Variants in PLCL2 observed in about 807,000 individuals in gnomAD.
PLCL2 encodes the protein phospholipase C like 2.
A neutral mutation model predicts 79.6 loss-of-function variants in PLCL2; 4 were observed. That is an observed-to-expected ratio of 0.05 (90% CI 0.02 to 0.11). The LOEUF (loss-of-function observed/expected upper bound fraction) is 0.11, where lower values mean the gene tolerates loss of function less well. PLCL2 is among the 10% of genes least tolerant of loss of function. PLCL2 has a pLI of 1.00. For synonymous variants in PLCL2, 484 were observed against 457.7 expected, an observed-to-expected ratio of 1.06 and a Z score of -0.73; for missense variants, 895 against 1,291.0, an observed-to-expected ratio of 0.69 and a Z score of 4.70.
In PLCL2 at chr3:16,884,993, CG is replaced by C; in HGVS notation, c.-43del. ...GCGGCCCGAGGCGGCGGCGGGGACG[CG>C]GGGACGCGAGGACGCGGCTTTGTGC... On this transcript the variant is annotated 5_prime_UTR_variant, in exon 1 of 6. Coordinates refer to ENST00000615277, the MANE Select transcript of PLCL2 (RefSeq NM_001144382.2). This position sits in a 1 kb window ranked among gnomAD's most constrained non-coding sequence, Gnocchi z 9.3. 1 of 211,248 alleles carries C rather than the reference CG, an allele frequency of 4.7e-6. No homozygotes were observed. The allele number at this position is 211,248 out of a possible 1,614,324, so 13.1% of individuals were successfully genotyped here.
chr3:17,027,251 T>C (rs2064527140), intron 3 of PLCL2, among the ~76,000 whole-genome samples: 1 of 152,226 alleles, frequency 6.6e-6, no homozygotes. Context: ...GAAACACATG[T>C]TTCTGTATAG....
chr3:17,017,001 T>A lies in PLCL2; in HGVS notation c.3018+2090T>A, dbSNP rs148221861. 5.0e-3 allele frequency among the ~76,000 whole-genome samples: 769 copies of A among 152,284 alleles called. 5 individuals are homozygous for A. Among genetic ancestry groups the A allele is most frequent in the African/African-American group, 0.017 (715 of 41,558 alleles). On this transcript the variant is annotated intron_variant, in intron 3 of 5. Coordinates refer to ENST00000615277, the MANE Select transcript of PLCL2 (RefSeq NM_001144382.2). The stretch of plus-strand genomic sequence containing the variant: ...GGGCAGGCCAAGTTCAGGGGCTGAT[T>A]TCTGCTCTATCAAGAGTGTGTGATC...
At chr3:17,081,061 A>C (rs946596316) in intron 5 of PLCL2, 6 of 419,142 alleles carry the variant, frequency 1.4e-5, no homozygotes, top group Non-Finnish European at 2.9e-5. Flanking sequence ...AATCTCTCTA[A>C]ACTCAGTGTC....
intron 3 of PLCL2, among the ~76,000 whole-genome samples, chr3:17,031,736 A>G (rs1052840017): frequency 2.0e-5 from 3 of 152,182 alleles, no homozygotes; most frequent in Admixed American, 1.3e-4. Flanking sequence ...TAAGGTTGAT[A>G]ATAAACTAGA....
intron 1 of PLCL2, among the ~76,000 whole-genome samples, chr3:16,989,702 G>A (rs2064084516): frequency 6.6e-6 from 1 of 152,106 alleles, no homozygotes; most frequent in African/African-American, 2.4e-5. Context: ...CTGTCACTAA[G>A]GGAAAGTATT....
At chr3:17,072,141 A>G (rs921796486) in intron 5 of PLCL2, among the ~76,000 whole-genome samples, 4 of 152,152 alleles carry the variant, frequency 2.6e-5, no homozygotes, top group Non-Finnish European at 5.9e-5. Context: ...GAATTCTAAT[A>G]TAATTGTTCT....
At chr3:16,942,873 A>G (rs2063564492) in intron 1 of PLCL2, among the ~76,000 whole-genome samples, 3 of 152,224 alleles carry the variant, frequency 2.0e-5, no homozygotes, top group Non-Finnish European at 4.4e-5. Flanking sequence ...AGTGTCATAG[A>G]CCACGTATCT....
chr3:17,014,125 G>T (rs147313372), intron 2 of PLCL2, among the ~76,000 whole-genome samples: 44 of 152,266 alleles, frequency 2.9e-4, no homozygotes, highest in African/African-American at 1.0e-3. Flanking sequence ...AGAGGCATTG[G>T]GATCAGCAGT....
chr3:17,067,579 G>A (rs761229523), intron 4 of PLCL2, among the ~76,000 whole-genome samples: 4 of 152,122 alleles, frequency 2.6e-5, no homozygotes, highest in East Asian at 1.9e-4. Flanking sequence ...TGTCCTCAGT[G>A]GAGCTTAAAT....
intron 5 of PLCL2, among the ~76,000 whole-genome samples, chr3:17,082,139 GTTTTTTTTT>G: frequency 9.9e-6 from 1 of 101,340 alleles, no homozygotes. Context: ...CTCTTTCAGA[GTTTTTTTTT>G]TTTTTTTTTT....
At chr3:16,995,314 C>T (rs1445514411) in intron 1 of PLCL2, among the ~76,000 whole-genome samples, 1 of 152,186 alleles carries the variant, frequency 6.6e-6, no homozygotes. Context: ...GTTTGTTGAC[C>T]TTTTAAAACA....
intron 1 of PLCL2, among the ~76,000 whole-genome samples, chr3:16,955,108 A>G (rs1300940855): frequency 6.6e-6 from 1 of 152,268 alleles, no homozygotes; most frequent in African/African-American, 2.4e-5. Context: ...GCACATGACT[A>G]CGTCCTGAAT....
At chr3:17,087,106 A>T (rs1399556264) in intron 5 of PLCL2, among the ~76,000 whole-genome samples, 1 of 152,242 alleles carries the variant, frequency 6.6e-6, no homozygotes, top group African/African-American at 2.4e-5. Flanking sequence ...TGTAGTTCTT[A>T]CAGAACTAAA....
intron 1 of PLCL2, among the ~76,000 whole-genome samples, chr3:16,996,839 A>G (rs1208792496): frequency 6.6e-6 from 1 of 152,226 alleles, no homozygotes; most frequent in Non-Finnish European, 1.5e-5. Flanking sequence ...TTAAATAAAT[A>G]TTATAGATAA....
intron 3 of PLCL2, among the ~76,000 whole-genome samples, chr3:17,029,699 T>A (rs1485602155): frequency 6.6e-6 from 1 of 151,858 alleles, no homozygotes; most frequent in Admixed American, 6.6e-5. Flanking sequence ...AGAGCCACTT[T>A]CCCCCAACTG....
intron 3 of PLCL2, among the ~76,000 whole-genome samples, chr3:17,039,548 C>T (rs2064697573): frequency 6.6e-6 from 1 of 152,138 alleles, no homozygotes; most frequent in South Asian, 2.1e-4. Context: ...ATATGTACCC[C>T]AAAATGATAA....
intron 1 of PLCL2, among the ~76,000 whole-genome samples, chr3:16,925,284 C>G (rs561017919): frequency 2.0e-5 from 3 of 151,652 alleles, no homozygotes; most frequent in African/African-American, 7.3e-5. Context: ...AGCATGTACA[C>G]TTAGAATTCC....
At chr3:16,977,322 C>T (rs760730545) in intron 1 of PLCL2, among the ~76,000 whole-genome samples, 2 of 152,176 alleles carry the variant, frequency 1.3e-5, no homozygotes, top group African/African-American at 4.8e-5. Flanking sequence ...TGATTTGCCT[C>T]AGGTTACTTT....
intron 3 of PLCL2, among the ~76,000 whole-genome samples, chr3:17,024,423 G>A (rs1415465988): frequency 6.6e-6 from 1 of 152,070 alleles, no homozygotes; most frequent in Non-Finnish European, 1.5e-5. Context: ...GTTGAAACGT[G>A]CATCAAACAC....
Sources: allele counts gnomAD v4.1 joint callset (sites outside exome capture counted in the v4.1 genomes callset), GRCh38; gene constraint gnomAD v4.1.1; non-coding constraint Gnocchi (gnomAD v3.1); transcripts MANE v1.5; gene names NCBI Gene and HGNC (gene_info 2026-07-23, HGNC 2026-07-21).